The following EHMT1 variants were observed in gnomAD, a reference collection of about 807,000 sequenced individuals.
EHMT1 encodes the protein histone-lysine N-methyltransferase EHMT1.
Under a neutral mutation model 147.2 loss-of-function variants are expected in EHMT1, and 15 were observed. The ratio of observed to expected loss-of-function variants is 0.10; its 90% confidence interval spans 0.07 to 0.16. The LOEUF is 0.16. EHMT1 is among the 10% of genes least tolerant of loss of function. EHMT1 has a pLI of 1.00. For synonymous variants in EHMT1, 795 were observed against 709.6 expected, an observed-to-expected ratio of 1.12 and a Z score of -1.91; for missense variants, 1,587 against 1,772.4, an observed-to-expected ratio of 0.90 and a Z score of 1.88.
chr9:137,716,082 G>GTGGTGGGGGAGGAAGTTGTGGTGGTGTCA (rs1564626330), intron 2 of EHMT1, among the ~76,000 whole-genome samples: 1 of 75,072 alleles, frequency 1.3e-5, no homozygotes. Context: ...TTGTGGTGTC[G>GTGGTGGGGGAGGAAGTTGTGGTGGTGTCA]TGGTGGGGGA....
intron 1 of EHMT1, among the ~76,000 whole-genome samples, chr9:137,699,631 C>T (rs1439546626): frequency 3.3e-5 from 5 of 151,434 alleles, no homozygotes; most frequent in East Asian, 3.9e-4. Context: ...GTCGAGATTG[C>T]GCCACTGCAT....
chr9:137,793,234 C>G (rs959689753), intron 16 of EHMT1, among the ~76,000 whole-genome samples: 6 of 152,154 alleles, frequency 3.9e-5, no homozygotes, highest in African/African-American at 1.4e-4. Context: ...TTGTACATCT[C>G]AACAACAACA....
Position 137,790,865 on chromosome 9 carries a change from C to T in EHMT1, c.2400C>T (p.Asp800=), listed in dbSNP as rs762541804. ...HMLVQAGANI[D]TCSEDQRTPL... ...TTCACTAGGCGGGCGCTAATATTGA[C>T]ACCTGCTCAGAAGACCAGAGGACCC... The change falls in exon 16 of 27, where the codon GAC becomes GAT. Residue 800 remains aspartate (D), a synonymous_variant. Transcript: ENST00000460843. The T allele has an allele frequency of 5.0e-6, 8 of 1,614,204 alleles. No homozygotes were observed. The highest frequency in any genetic ancestry group is 6.8e-6 in the Non-Finnish European group (8 of 1,180,042).
intron 2 of EHMT1, among the ~76,000 whole-genome samples, chr9:137,716,078 T>A (rs1355700791): frequency 2.7e-5 from 2 of 74,772 alleles, no homozygotes. Context: ...GAAATTGTGG[T>A]GTCGTGGTGG....
chr9:137,790,725 CATT>C, intron 15 of EHMT1, 120 bp from the exon 16 acceptor site: 2 of 1,361,990 alleles, frequency 1.5e-6, no homozygotes, highest in East Asian at 2.3e-5. Flanking sequence ...AAAACTCAGA[CATT>C]GTTGGTCACT....
chr9:137,720,715 C>T (rs1051653488), intron 3 of EHMT1, among the ~76,000 whole-genome samples: 2 of 152,200 alleles, frequency 1.3e-5, no homozygotes, highest in Non-Finnish European at 2.9e-5. Context: ...TAGCCCGTCC[C>T]GTTCTCTGCT....
At chr9:137,742,170 G>A (rs1021284987) in intron 4 of EHMT1, among the ~76,000 whole-genome samples, 1 of 152,176 alleles carries the variant, frequency 6.6e-6, no homozygotes, top group Non-Finnish European at 1.5e-5. Flanking sequence ...ACTCCAGAGC[G>A]GATTGCCCAG....
At chr9:137,678,231 T>G (rs1464373643) in intron 1 of EHMT1, among the ~76,000 whole-genome samples, 1 of 152,088 alleles carries the variant, frequency 6.6e-6, no homozygotes, top group Non-Finnish European at 1.5e-5. Context: ...TTGTTTCTTG[T>G]GATTTGTTTT....
At chr9:137,808,677 G>C (rs1239565203) in intron 18 of EHMT1, among the ~76,000 whole-genome samples, 2 of 100,698 alleles carry the variant, frequency 2.0e-5, no homozygotes, top group South Asian at 3.0e-4. Context: ...GGCGGGGGGT[G>C]GGGGGGGCGC....
chr9:137,624,256 C>T (rs1055804956), intron 1 of EHMT1, among the ~76,000 whole-genome samples: 19 of 151,016 alleles, frequency 1.3e-4, no homozygotes, highest in African/African-American at 4.6e-4. Context: ...CCACCTCAGC[C>T]TTTCAAAGTG....
intron 4 of EHMT1, among the ~76,000 whole-genome samples, chr9:137,742,550 T>G (rs762800708): frequency 6.6e-6 from 1 of 152,060 alleles, no homozygotes; most frequent in Non-Finnish European, 1.5e-5. Context: ...ATCCTGGAAC[T>G]TAAAAAAAGT....
At chr9:137,824,201 C>T (rs1955653826) in intron 25 of EHMT1, among the ~76,000 whole-genome samples, 1 of 152,080 alleles carries the variant, frequency 6.6e-6, no homozygotes, top group Admixed American at 6.6e-5. Context: ...TGCAGTGAGC[C>T]GTGATCGAGC....
At chr9:137,719,385 G>A (rs1002577077) in intron 3 of EHMT1, among the ~76,000 whole-genome samples, 8 of 151,882 alleles carry the variant, frequency 5.3e-5, no homozygotes, top group African/African-American at 1.2e-4. Context: ...TGGTGGGTGC[G>A]TTGTGGGCCG....
chr9:137,724,575 C>T, intron 3 of EHMT1, among the ~76,000 whole-genome samples: 1 of 152,230 alleles, frequency 6.6e-6, no homozygotes, highest in East Asian at 1.9e-4. Context: ...AAGAATTAGC[C>T]TCACATGGCT....
chr9:137,680,714 G>A (rs540208360), intron 1 of EHMT1, among the ~76,000 whole-genome samples: 5 of 152,320 alleles, frequency 3.3e-5, no homozygotes, highest in East Asian at 3.9e-4. Flanking sequence ...GCCTCAGTGT[G>A]GGGGGATGCA....
At chr9:137,711,330 T>C (rs1340617076) in intron 2 of EHMT1, among the ~76,000 whole-genome samples, 2 of 152,124 alleles carry the variant, frequency 1.3e-5, no homozygotes, top group Non-Finnish European at 1.5e-5. Context: ...ATAGCAGCAT[T>C]GTCACGTCGC....
At chr9:137,688,609 A>G (rs1043207033) in intron 1 of EHMT1, among the ~76,000 whole-genome samples, 4 of 152,248 alleles carry the variant, frequency 2.6e-5, no homozygotes, top group African/African-American at 9.6e-5. Context: ...TACTGTCTAA[A>G]TGAGATTTTA....
intron 25 of EHMT1, among the ~76,000 whole-genome samples, chr9:137,823,043 G>A (rs1364454601): frequency 6.6e-6 from 1 of 151,330 alleles, no homozygotes; most frequent in Non-Finnish European, 1.5e-5. Flanking sequence ...CGAGTCTCCT[G>A]CTTCAGCCTC....
intron 3 of EHMT1, among the ~76,000 whole-genome samples, chr9:137,724,698 T>G (rs992885027): frequency 1.3e-5 from 2 of 152,174 alleles, no homozygotes; most frequent in Non-Finnish European, 2.9e-5. Flanking sequence ...AACAGCCTGG[T>G]CGGTGGTTTG....
Sources: allele counts gnomAD v4.1 joint callset (sites outside exome capture counted in the v4.1 genomes callset), GRCh38; gene constraint gnomAD v4.1.1; transcripts MANE v1.5; gene names NCBI Gene and HGNC (gene_info 2026-07-23, HGNC 2026-07-21).